CELF2: variants seen among roughly 807,000 people sequenced by gnomAD.
CELF2 encodes the protein CUG triplet repeat RNA-binding protein 2.
Under a neutral mutation model 62.6 loss-of-function variants are expected in CELF2, and 8 were observed. That is an observed-to-expected ratio of 0.13 (90% confidence interval 0.07 to 0.23). The LOEUF is 0.23. Ranked by LOEUF, CELF2 falls within the 10% of genes least tolerant of loss-of-function variation. CELF2 has a pLI of 1.00. For synonymous variants in CELF2, 258 were observed against 250.0 expected (o/e 1.03, Z -0.30); for missense variants, 333 against 671.0 (o/e 0.50, Z 5.56).
the CELF2 span, among the ~76,000 whole-genome samples, chr10:10,589,820 G>T: frequency 6.6e-6 from 1 of 152,210 alleles, no homozygotes; most frequent in Non-Finnish European, 1.5e-5. Flanking sequence ...CTAGGATCCA[G>T]GTTATCTGAC....
Position 11,217,795 on chromosome 10 carries a change from G to A in CELF2, c.354+288G>A, listed in dbSNP as rs998933644. Among the ~76,000 whole-genome samples the A allele has an allele frequency of 6.6e-6, 1 of 151,922 alleles. No individual in the cohort carries two copies. Among genetic ancestry groups the A allele is most frequent in the African/African-American group, 2.4e-5 (1 of 41,346 alleles). On this transcript the variant is annotated intron_variant, in intron 3 of 12. Coordinates refer to ENST00000633077, the MANE Select transcript of CELF2 (RefSeq NM_001326342.2). This position sits in a 1 kb window ranked among gnomAD's most constrained non-coding sequence, Gnocchi z 5.6. Reference sequence around the variant, plus strand: ...TGCCAAAGAGTATTGGGTGGGCTAAGATTTTAAAAGGAAAAAAAAACCCAA... The same window carrying A: ...TGCCAAAGAGTATTGGGTGGGCTAAAATTTTAAAAGGAAAAAAAAACCCAA...
At position 11,247,603 on chromosome 10, in the gene CELF2, T is replaced by TGCCCGCCATCCCAC. The variant is rs2076001250; in HGVS notation, c.355-1549_355-1536dup. On this transcript the variant is annotated intron_variant, in intron 3 of 12. Transcript: ENST00000633077. This position sits in a 1 kb window ranked among gnomAD's most constrained non-coding sequence, Gnocchi z 5.4. ...CCTCCATCCTATGCCCGCCATCCCA[T>TGCCCGCCATCCCAC]GCCCGCCATCCCACCCCTGCCACAC... Among the ~76,000 whole-genome samples the TGCCCGCCATCCCAC allele has an allele frequency of 1.5e-5, 2 of 131,456 alleles. No homozygotes were observed. Among genetic ancestry groups the TGCCCGCCATCCCAC allele is most frequent in the African/African-American group, 2.8e-5 (1 of 35,512 alleles). 86.2% of individuals were successfully genotyped at this position (131,456 alleles called of 152,430 possible). A position where few individuals can be genotyped will look rare whatever the true frequency, so the allele number is the denominator to read the frequency against.
chr10:10,670,409 C>T, the CELF2 span, among the ~76,000 whole-genome samples: 14 of 152,108 alleles, frequency 9.2e-5, no homozygotes, highest in African/African-American at 1.7e-4. Flanking sequence ...TAAGGTTATT[C>T]GTACTTAGAC....
chr10:10,576,202 G>T, the CELF2 span, among the ~76,000 whole-genome samples: 168 of 152,196 alleles, frequency 1.1e-3, 4 homozygotes, highest in South Asian at 0.03. Flanking sequence ...GGGGGCTACG[G>T]GTATAAAAGA....
At chr10:11,195,114 C>A (rs952431222) in intron 2 of CELF2, among the ~76,000 whole-genome samples, 3 of 152,218 alleles carry the variant, frequency 2.0e-5, no homozygotes, top group African/African-American at 7.2e-5. Context: ...TACTCATCGT[C>A]AGCATTCGAC....
chr10:10,911,661 C>T (rs2063824183), intron 1 of CELF2, among the ~76,000 whole-genome samples: 1 of 152,234 alleles, frequency 6.6e-6, no homozygotes. Context: ...GTCCGGACCT[C>T]CGTCCAGGCA....
At chr10:10,790,887 G>A in the CELF2 span, among the ~76,000 whole-genome samples, 1 of 152,000 alleles carries the variant, frequency 6.6e-6, no homozygotes, top group South Asian at 2.1e-4. Flanking sequence ...AATTCAGTAG[G>A]ACTCTCAAGC....
chr10:10,814,991 C>A (rs1207319732), intron 1 of CELF2, among the ~76,000 whole-genome samples: 1 of 152,174 alleles, frequency 6.6e-6, no homozygotes, highest in African/African-American at 2.4e-5. Flanking sequence ...ACTTCACAAT[C>A]AATTGCCCTT....
intron 2 of CELF2, among the ~76,000 whole-genome samples, chr10:11,204,553 G>A (rs900932242): frequency 3.9e-5 from 6 of 152,220 alleles, no homozygotes; most frequent in East Asian, 1.9e-4. Flanking sequence ...GTCGGGGGCC[G>A]GTGGGGGGAC....
At chr10:10,921,817 C>T (rs1284953684) in intron 2 of CELF2, among the ~76,000 whole-genome samples, 4 of 150,058 alleles carry the variant, frequency 2.7e-5, no homozygotes, top group South Asian at 4.2e-4. Context: ...TCTACCTAAG[C>T]GTGGATGGGA....
rs2653519 is a variant in CELF2 at position 11,251,906 on chromosome 10, A to G, written c.403+2705A>G. On this transcript the variant is annotated intron_variant, in intron 4 of 12. Coordinates refer to ENST00000633077, the MANE Select transcript of CELF2 (RefSeq NM_001326342.2). Reference sequence around the variant, plus strand: ...CTGAGCAGCAGAGGCCGGCCTGTCCAGGCCTGGGCTGTTTATACCGAAGCA... The same window carrying G: ...CTGAGCAGCAGAGGCCGGCCTGTCCGGGCCTGGGCTGTTTATACCGAAGCA... Among the ~76,000 whole-genome samples the G allele has an allele frequency of 1.9e-3, 291 of 152,354 alleles. 2 individuals are homozygous for G. The highest frequency in any genetic ancestry group is 6.8e-3 in the African/African-American group (284 of 41,576).
At chr10:11,118,413 G>T (rs777231068) in intron 1 of CELF2, among the ~76,000 whole-genome samples, 3 of 151,976 alleles carry the variant, frequency 2.0e-5, no homozygotes, top group Non-Finnish European at 4.4e-5. Context: ...GTGATCCTCA[G>T]GCCTCAGCCT....
chr10:10,590,878 T>C, the CELF2 span, among the ~76,000 whole-genome samples: 1 of 152,218 alleles, frequency 6.6e-6, no homozygotes, highest in Non-Finnish European at 1.5e-5. Context: ...TCTCATTCTT[T>C]TAAACCCTAT....
In CELF2 at chr10:10,863,954, T is replaced by TA. The variant is rs1054439056; in HGVS notation, c.54-56009dup. ...ATTAGCTCTATAAAAGCTTGTCCCTTACGCTTCTTTGATAGAACCCCAAAC... is the reference window on the plus strand; with the variant it reads ...ATTAGCTCTATAAAAGCTTGTCCCTTAACGCTTCTTTGATAGAACCCCAAAC... On this transcript the variant is annotated intron_variant, in intron 1 of 13. Coordinates refer to the CELF2 transcript ENST00000636488. Among the ~76,000 whole-genome samples the TA allele has an allele frequency of 1.6e-4, 24 of 152,352 alleles. No individual in the cohort carries two copies. In the East Asian group the frequency reaches 2.1e-3, roughly 13 times the overall value.
At chr10:10,564,476 T>C in the CELF2 span, among the ~76,000 whole-genome samples, 7 of 152,116 alleles carry the variant, frequency 4.6e-5, no homozygotes, top group South Asian at 4.2e-4. Context: ...TGTGAAGATA[T>C]GTTTTACAGC....
At chr10:10,552,006 C>T in the CELF2 span, among the ~76,000 whole-genome samples, 24 of 152,108 alleles carry the variant, frequency 1.6e-4, no homozygotes, top group Admixed American at 1.6e-3. Flanking sequence ...AGTTTCACAT[C>T]TGCAGAGCCC....
chr10:10,863,186 G>T (rs1158364184), intron 1 of CELF2, among the ~76,000 whole-genome samples: 1 of 152,192 alleles, frequency 6.6e-6, no homozygotes, highest in Non-Finnish European at 1.5e-5. Flanking sequence ...CAGCTACACT[G>T]CCCAGGCTAA....
intron 1 of CELF2, among the ~76,000 whole-genome samples, chr10:11,057,860 A>G (rs1425572487): frequency 6.6e-6 from 1 of 152,174 alleles, no homozygotes; most frequent in Non-Finnish European, 1.5e-5. Context: ...AGATTCTGAC[A>G]TTTGCTAGCG....
intron 1 of CELF2, among the ~76,000 whole-genome samples, chr10:10,867,640 G>A (rs2060471830): frequency 6.6e-6 from 1 of 152,102 alleles, no homozygotes; most frequent in Non-Finnish European, 1.5e-5. Flanking sequence ...CATGGGCCAT[G>A]CCTTCAACTC....
Sources: gnomAD v4.1 joint callset for allele counts (sites outside exome capture counted in the v4.1 genomes callset) on GRCh38, gnomAD v4.1.1 for gene constraint, Gnocchi (gnomAD v3.1) non-coding constraint, MANE v1.5 for transcripts, NCBI Gene and HGNC (gene_info 2026-07-23, HGNC 2026-07-21) for gene names.